The following TAFA4 variants were observed in gnomAD, a reference collection of about 807,000 sequenced individuals.
The protein encoded by TAFA4 is TAFA chemokine like family member 4.
Under a neutral mutation model 21.1 loss-of-function variants are expected in TAFA4, and 20 were observed. The ratio of observed to expected loss-of-function variants is 0.95; its 90% CI spans 0.67 to 1.38. TAFA4 has a LOEUF of 1.38. TAFA4 is among the 40% of genes most tolerant of loss of function. TAFA4 has a pLI of 0.00. For synonymous variants in TAFA4, 71 were observed against 67.4 expected, an observed-to-expected ratio of 1.05 and a Z score of -0.26; for missense variants, 211 against 180.9, an observed-to-expected ratio of 1.17 and a Z score of -0.95.
At chr3:68,793,812 T>C (rs1703408159) in intron 3 of TAFA4, among the ~76,000 whole-genome samples, 1 of 152,198 alleles carries the variant, frequency 6.6e-6, no homozygotes, top group Non-Finnish European at 1.5e-5. Flanking sequence ...TACATAGAGA[T>C]AAAGTGCAAT....
intron 3 of TAFA4, among the ~76,000 whole-genome samples, chr3:68,818,968 T>G (rs537117935): frequency 3.0e-4 from 45 of 152,236 alleles, no homozygotes; most frequent in African/African-American, 9.9e-4. Context: ...AAACTTTAAT[T>G]TGTAAAAATT....
At chr3:68,734,742 G>A (rs181590531) in intron 5 of TAFA4, among the ~76,000 whole-genome samples, 10 of 152,118 alleles carry the variant, frequency 6.6e-5, no homozygotes, top group South Asian at 4.2e-4. Context: ...ACCTGCCCCC[G>A]TCAAAGAGTA....
Position 68,928,803 on chromosome 3 carries a change from T to G in TAFA4, c.-123+3437A>C, listed in dbSNP as rs946886125. Among the ~76,000 whole-genome samples, 12 of 152,222 alleles carry G rather than the reference T, an allele frequency of 7.9e-5. No homozygotes were observed. In the South Asian group the frequency reaches 1.0e-3, roughly 13 times the overall value. On this transcript the variant is annotated intron_variant, in intron 1 of 5. Transcript: ENST00000295569. ...TTCTCTCCCAGTCTTCATTGGAAAG[T>G]GCACTGGGCTAGGAATTAGGACTCC...
intron 3 of TAFA4, among the ~76,000 whole-genome samples, chr3:68,873,337 T>TACATAC (rs1208450049): frequency 3.0e-5 from 4 of 133,422 alleles, no homozygotes; most frequent in Admixed American, 8.0e-5. Flanking sequence ...CACGCAGACA[T>TACATAC]ACACACACAC....
intron 1 of TAFA4, among the ~76,000 whole-genome samples, chr3:68,922,552 A>G (rs1437836668): frequency 1.3e-5 from 2 of 152,210 alleles, no homozygotes; most frequent in African/African-American, 2.4e-5. Flanking sequence ...TGAAACTTAC[A>G]TATGGATATA....
chr3:68,861,030 A>ACCCCCCCCCCCCCCC (rs113804738), intron 3 of TAFA4, among the ~76,000 whole-genome samples: 8 of 111,018 alleles, frequency 7.2e-5, no homozygotes, highest in Non-Finnish European at 1.1e-4. Flanking sequence ...TTAAATATGC[A>ACCCCCCCCCCCCCCC]CCCCCCCCCC....
intron 3 of TAFA4, among the ~76,000 whole-genome samples, chr3:68,788,533 A>C (rs747287540): frequency 2.6e-5 from 4 of 152,232 alleles, no homozygotes; most frequent in African/African-American, 4.8e-5. Flanking sequence ...ATAGCCAAAA[A>C]ATCATTGACA....
At chr3:68,791,279 C>A (rs972570270) in intron 3 of TAFA4, among the ~76,000 whole-genome samples, 3 of 152,214 alleles carry the variant, frequency 2.0e-5, no homozygotes, top group Admixed American at 6.5e-5. Flanking sequence ...GAAGTCTAAT[C>A]TAACATGCTG....
intron 5 of TAFA4, among the ~76,000 whole-genome samples, chr3:68,734,734 C>A (rs908756222): frequency 2.6e-5 from 4 of 152,024 alleles, no homozygotes; most frequent in African/African-American, 9.7e-5. Context: ...ATAATAGTAC[C>A]TGCCCCCGTC....
At chr3:68,810,471 C>T (rs1447981388) in intron 3 of TAFA4, among the ~76,000 whole-genome samples, 1 of 152,184 alleles carries the variant, frequency 6.6e-6, no homozygotes, top group Non-Finnish European at 1.5e-5. Context: ...GTCACTCCCA[C>T]CCTAATACTG....
chr3:68,753,599 G>A (rs1702602963), intron 3 of TAFA4, among the ~76,000 whole-genome samples: 1 of 152,124 alleles, frequency 6.6e-6, no homozygotes, highest in South Asian at 2.1e-4. Context: ...GCCTCCCAAA[G>A]TGCTGGGATT....
At chr3:68,779,302 G>A (rs1487930524) in intron 3 of TAFA4, among the ~76,000 whole-genome samples, 3 of 152,232 alleles carry the variant, frequency 2.0e-5, no homozygotes, top group South Asian at 2.1e-4. Context: ...AAATGAGATA[G>A]AAAAGAAAAT....
At position 68,798,566 on chromosome 3, in the gene TAFA4, T is replaced by C. The variant is rs957214532; in HGVS notation, c.131-45548A>G. On this transcript the variant is annotated intron_variant, in intron 3 of 5. Coordinates refer to ENST00000295569, the MANE Select transcript of TAFA4 (RefSeq NM_182522.5). ...AACATTTAGTTGCATTCAAGGGACA[T>C]TGCTCATTTGGGGTATGCACACCAT... Among the ~76,000 whole-genome samples the C allele has an allele frequency of 5.9e-5, 9 of 152,312 alleles. No homozygotes were observed. In the South Asian group the frequency reaches 1.2e-3, roughly 21 times the overall value.
chr3:68,762,699 A>G (rs1271895030), intron 3 of TAFA4, among the ~76,000 whole-genome samples: 2 of 152,214 alleles, frequency 1.3e-5, no homozygotes, highest in African/African-American at 4.8e-5. Context: ...AAAATATCCT[A>G]TGATGCAAAT....
At chr3:68,823,839 T>C (rs1575625855) in intron 3 of TAFA4, among the ~76,000 whole-genome samples, 2 of 152,202 alleles carry the variant, frequency 1.3e-5, no homozygotes, top group African/African-American at 2.4e-5. Context: ...ATAAGGAAAA[T>C]GTGGTACATA....
At position 68,739,164 on chromosome 3, in the gene TAFA4, T is replaced by C; in HGVS notation, c.322A>G (p.Asn108Asp). 1 of 1,613,990 alleles carries C rather than the reference T, an allele frequency of 6.2e-7. No individual in the cohort carries two copies. Among genetic ancestry groups the C allele is most frequent in the Non-Finnish European group, 8.5e-7 (1 of 1,179,896 alleles). ...CAATCCTCTCCTTCCAAACACGGAT[T>C]CATGTGACACCACCATTTCTGAATC... The part of the protein sequence containing the change: ...IVIQKWWCHM[N>D]PCLEGEDCKV... Residue 108 changes from asparagine (N) to aspartate (D), a missense_variant, in exon 5 of 6, where the codon AAT (asparagine) becomes GAT (aspartate). Physicochemically the swap from Asn to Asp is conservative, Grantham distance 23 (BLOSUM62 1). Coordinates refer to ENST00000295569, the MANE Select transcript of TAFA4 (RefSeq NM_182522.5).
intron 4 of TAFA4, among the ~76,000 whole-genome samples, chr3:68,749,161 C>T (rs946409687): frequency 1.3e-5 from 2 of 152,044 alleles, no homozygotes; most frequent in African/African-American, 4.8e-5. Flanking sequence ...GGGGAGGTTT[C>T]GTAAGTTAAT....
At chr3:68,857,006 C>G (rs975824989) in intron 3 of TAFA4, among the ~76,000 whole-genome samples, 2 of 152,066 alleles carry the variant, frequency 1.3e-5, no homozygotes, top group African/African-American at 4.8e-5. Flanking sequence ...TGGGACAACA[C>G]GCAGGGTAGA....
intron 3 of TAFA4, among the ~76,000 whole-genome samples, chr3:68,788,026 G>A (rs1396975249): frequency 6.6e-6 from 1 of 152,186 alleles, no homozygotes; most frequent in Non-Finnish European, 1.5e-5. Flanking sequence ...GCATATTTCT[G>A]TAAGAGGTAA....
Sources: allele counts gnomAD v4.1 joint callset (sites outside exome capture counted in the v4.1 genomes callset), GRCh38; gene constraint gnomAD v4.1.1; transcripts MANE v1.5; gene names NCBI Gene and HGNC (gene_info 2026-07-23, HGNC 2026-07-21).